CACNA1C: variants seen among roughly 807,000 people sequenced by gnomAD.
CACNA1C encodes calcium voltage-gated channel subunit alpha1 C.
Under a neutral mutation model 229.0 loss-of-function variants are expected in CACNA1C, and 30 were observed. The observed-to-expected ratio is 0.13, with a 90% CI of 0.10 to 0.18. The LOEUF is 0.18. Ranked by LOEUF, CACNA1C falls within the 10% of genes least tolerant of loss-of-function variation. The probability of loss-of-function intolerance (pLI) is 1.00; values close to 1 mark genes in which losing one functional copy is unlikely to be tolerated. For missense variants in CACNA1C, 1,658 were observed against 2,845.0 expected, an observed-to-expected ratio of 0.58 and a Z score of 9.49; for synonymous variants, 1,114 against 1,132.5, an observed-to-expected ratio of 0.98 and a Z score of 0.33.
At chr12:2,552,703 G>A (rs1453732687) in intron 10 of CACNA1C, among the ~76,000 whole-genome samples, 1 of 152,182 alleles carries the variant, frequency 6.6e-6, no homozygotes, top group Non-Finnish European at 1.5e-5. Flanking sequence ...GGGCTGTGTT[G>A]TGTGTGTGTT....
intron 3 of CACNA1C, among the ~76,000 whole-genome samples, chr12:2,353,629 C>T (rs1451120551): frequency 1.3e-5 from 2 of 152,152 alleles, no homozygotes; most frequent in African/African-American, 2.4e-5. Context: ...TGCCAAGTGC[C>T]CCCCATTGTG....
Position 2,605,626 on chromosome 12 carries a change from G to T in CACNA1C, c.3049-53G>T, listed in dbSNP as rs560811111. 70 of 1,358,828 alleles carry T rather than the reference G, an allele frequency of 5.2e-5. No homozygotes were observed. The African/African-American group carries it at 9.1e-4, about 18-fold the overall frequency. The allele number at this position is 1,358,828 out of a possible 1,614,324, so 84.2% of individuals were successfully genotyped here. ...GCTGCCCCTGCTACCTCCTGGAAAG[G>T]CTCCTGGCATCTCCTGAAGCCACGT... On this transcript the variant is annotated intron_variant, in intron 23 of 46. Coordinates refer to ENST00000399655, the MANE Select transcript of CACNA1C (RefSeq NM_000719.7). This position sits in a 1 kb window ranked among gnomAD's most constrained non-coding sequence, Gnocchi z 6.2.
At chr12:2,642,156 T>G (rs1484743446) in intron 30 of CACNA1C, among the ~76,000 whole-genome samples, 1 of 152,206 alleles carries the variant, frequency 6.6e-6, no homozygotes, top group Non-Finnish European at 1.5e-5. Context: ...CAATTTGGGT[T>G]GTTAATTCAG....
At chr12:2,534,227 G>A (rs1026451841) in intron 9 of CACNA1C, among the ~76,000 whole-genome samples, 5 of 152,306 alleles carry the variant, frequency 3.3e-5, no homozygotes, top group South Asian at 2.1e-4. Flanking sequence ...AAGAGGAACC[G>A]TGTGTGGCAT....
At chr12:2,631,073 C>T (rs1327307464) in intron 29 of CACNA1C, among the ~76,000 whole-genome samples, 5 of 152,172 alleles carry the variant, frequency 3.3e-5, no homozygotes, top group South Asian at 2.1e-4. Flanking sequence ...CTGGTGTGCC[C>T]GCTGATTAAC....
At chr12:2,368,640 A>G (rs1302210475) in intron 3 of CACNA1C, among the ~76,000 whole-genome samples, 1 of 152,244 alleles carries the variant, frequency 6.6e-6, no homozygotes, top group East Asian at 1.9e-4. Flanking sequence ...AAATGAAAGC[A>G]TGTCGTATTT....
chr12:2,303,778 C>T (rs920546290), intron 3 of CACNA1C, among the ~76,000 whole-genome samples: 5 of 152,146 alleles, frequency 3.3e-5, no homozygotes, highest in African/African-American at 9.7e-5. Context: ...GAGTGGGCGC[C>T]GGGTGGAACT....
At chr12:2,216,390 G>T (rs2059977691) in intron 3 of CACNA1C, among the ~76,000 whole-genome samples, 1 of 152,166 alleles carries the variant, frequency 6.6e-6, no homozygotes, top group Non-Finnish European at 1.5e-5. Context: ...CAGGCACGCA[G>T]TCCACAATTA....
chr12:2,066,901 G>C (rs2059450701), intron 1 of CACNA1C, among the ~76,000 whole-genome samples: 1 of 152,200 alleles, frequency 6.6e-6, no homozygotes, highest in South Asian at 2.1e-4. Flanking sequence ...GCTGAATCCT[G>C]GGAGGGATGA....
chr12:2,591,689 A>G (rs918567686), intron 18 of CACNA1C, among the ~76,000 whole-genome samples: 8 of 152,204 alleles, frequency 5.3e-5, no homozygotes. Context: ...TGAGCTTGTC[A>G]GCTCACTAGG....
intron 3 of CACNA1C, among the ~76,000 whole-genome samples, chr12:2,385,127 AGTT>A (rs2154546709): frequency 6.6e-6 from 1 of 152,324 alleles, no homozygotes; most frequent in South Asian, 2.1e-4. Context: ...ACCCATAACA[AGTT>A]GTAATTTGAG....
intron 3 of CACNA1C, among the ~76,000 whole-genome samples, chr12:2,198,838 A>T (rs76233786): frequency 3.3e-5 from 5 of 152,162 alleles, no homozygotes; most frequent in African/African-American, 1.2e-4. Flanking sequence ...ATTTTTTTTA[A>T]GTTTTCAAGG....
At chr12:2,279,518 G>A (rs1045233493) in intron 3 of CACNA1C, among the ~76,000 whole-genome samples, 1 of 152,172 alleles carries the variant, frequency 6.6e-6, no homozygotes, top group Non-Finnish European at 1.5e-5. Flanking sequence ...TGAACATTTA[G>A]GATTGTTATG....
chr12:2,183,606 G>A (rs1438978271), intron 3 of CACNA1C, among the ~76,000 whole-genome samples: 3 of 151,742 alleles, frequency 2.0e-5, no homozygotes, highest in African/African-American at 4.9e-5. Flanking sequence ...AGAATGTCAC[G>A]GTCCCACACA....
intron 30 of CACNA1C, among the ~76,000 whole-genome samples, chr12:2,640,768 T>C (rs1426499239): frequency 6.6e-6 from 1 of 152,146 alleles, no homozygotes; most frequent in Non-Finnish European, 1.5e-5. Context: ...TTCCTATAAC[T>C]GTCACTCACT....
At chr12:2,022,774 G>A (rs189628078) in intron 1 of CACNA1C, among the ~76,000 whole-genome samples, 15 of 152,138 alleles carry the variant, frequency 9.9e-5, no homozygotes, top group Non-Finnish European at 1.9e-4. Flanking sequence ...ATTAGCCTAC[G>A]GTAAAATGGG....
At position 2,263,473 on chromosome 12, in the gene CACNA1C, G is replaced by T. The variant is rs576961144; in HGVS notation, c.477+143043G>T. On this transcript the variant is annotated intron_variant, in intron 3 of 46. Transcript: ENST00000399655. The stretch of plus-strand genomic sequence containing the variant: ...GGGGTGAAGTGTGAAGCTAGTGGAG[G>T]CTTTTTAGCAAAGGAGTGACTGATC... 2.6e-4 allele frequency among the ~76,000 whole-genome samples: 39 copies of T among 152,228 alleles called. 1 individual carries two copies. In the South Asian group the frequency reaches 8.1e-3, roughly 32 times the overall value.
At chr12:2,293,284 G>A (rs2093690339) in intron 3 of CACNA1C, among the ~76,000 whole-genome samples, 5 of 152,222 alleles carry the variant, frequency 3.3e-5, no homozygotes, top group Non-Finnish European at 7.4e-5. Context: ...CCTGATAGAT[G>A]TCAAATGCCT....
intron 1 of CACNA1C, among the ~76,000 whole-genome samples, chr12:1,993,944 A>C (rs1300474050): frequency 1.3e-5 from 2 of 152,356 alleles, no homozygotes; most frequent in East Asian, 3.9e-4. Context: ...CCTGAACTAG[A>C]AGTTTACATA....
Sources: gnomAD v4.1 joint callset for allele counts (sites outside exome capture counted in the v4.1 genomes callset) on GRCh38, gnomAD v4.1.1 for gene constraint, Gnocchi (gnomAD v3.1) non-coding constraint, MANE v1.5 for transcripts, NCBI Gene and HGNC (gene_info 2026-07-23, HGNC 2026-07-21) for gene names.